CDYL2: variants seen among roughly 807,000 people sequenced by gnomAD.
The protein encoded by CDYL2 is chromodomain Y like 2.
Under a neutral mutation model 49.4 loss-of-function variants are expected in CDYL2, and 23 were observed. The ratio of observed to expected loss-of-function variants is 0.47; its 90% CI spans 0.34 to 0.66. The LOEUF (loss-of-function observed/expected upper bound fraction) is 0.66. Ranked by LOEUF, CDYL2 falls within the 30% of genes least tolerant of loss-of-function variation. The pLI is 0.01. For missense variants in CDYL2, 678 were observed against 656.4 expected, an observed-to-expected ratio of 1.03 and a Z score of -0.36; for synonymous variants, 360 against 268.8, an observed-to-expected ratio of 1.34 and a Z score of -3.32.
chr16:80,727,203 G>A (rs1905191332), intron 1 of CDYL2, among the ~76,000 whole-genome samples: 1 of 152,222 alleles, frequency 6.6e-6, no homozygotes, highest in African/African-American at 2.4e-5. Context: ...ATCTCACTAG[G>A]GAGTGCCAGA....
intron 1 of CDYL2, among the ~76,000 whole-genome samples, chr16:80,776,146 A>C (rs985765610): frequency 6.6e-6 from 1 of 152,158 alleles, no homozygotes; most frequent in African/African-American, 2.4e-5. Context: ...CTGAAAGTAC[A>C]TTTTACTTAG....
intron 1 of CDYL2, among the ~76,000 whole-genome samples, chr16:80,718,826 AAAGAGGTACTGAC>A (rs1219010496): frequency 1.3e-5 from 2 of 152,170 alleles, no homozygotes; most frequent in African/African-American, 4.8e-5. Context: ...CCAGTCCCTA[AAAGAGGTACTGAC>A]AAGAGCAGGG....
chr16:80,693,728 T>G (rs931474662), intron 1 of CDYL2, among the ~76,000 whole-genome samples: 1 of 152,180 alleles, frequency 6.6e-6, no homozygotes, highest in Non-Finnish European at 1.5e-5. Context: ...GTGATTAAAC[T>G]GTTCTGCGTG....
intron 1 of CDYL2, among the ~76,000 whole-genome samples, chr16:80,771,102 C>A (rs528086006): frequency 1.3e-5 from 2 of 152,346 alleles, no homozygotes; most frequent in South Asian, 4.1e-4. Context: ...AGAAAAGAAT[C>A]TCCATCTTTG....
chr16:80,629,746 C>A (rs1428631148), intron 3 of CDYL2, among the ~76,000 whole-genome samples: 1 of 152,240 alleles, frequency 6.6e-6, no homozygotes, highest in East Asian at 1.9e-4. Flanking sequence ...ACCAATGTTA[C>A]ACATACAACT....
intron 2 of CDYL2, among the ~76,000 whole-genome samples, chr16:80,655,295 C>T (rs937417211): frequency 1.4e-4 from 22 of 152,320 alleles, no homozygotes; most frequent in African/African-American, 4.8e-4. Context: ...TCATTTTATT[C>T]ATTCATTCAT....
intron 1 of CDYL2, among the ~76,000 whole-genome samples, chr16:80,724,159 A>AGAG (rs944121565): frequency 6.7e-6 from 1 of 150,320 alleles, no homozygotes. Context: ...AGAAAGAAGA[A>AGAG]GAGGAGGAGG....
chr16:80,664,311 G>A (rs143827105), intron 2 of CDYL2, among the ~76,000 whole-genome samples: 16 of 152,092 alleles, frequency 1.1e-4, no homozygotes, highest in Admixed American at 4.6e-4. Context: ...TGTCATTTCC[G>A]TCCACCTTCA....
intron 1 of CDYL2, among the ~76,000 whole-genome samples, chr16:80,733,211 G>A (rs574194178): frequency 1.3e-5 from 2 of 152,288 alleles, no homozygotes; most frequent in South Asian, 4.1e-4. Flanking sequence ...CACAAAATCA[G>A]TGGTCAAAAA....
chr16:80,670,270 G>T, intron 2 of CDYL2, among the ~76,000 whole-genome samples: 1 of 142,444 alleles, frequency 7.0e-6, no homozygotes, highest in East Asian at 2.0e-4. Flanking sequence ...GAGGGACCCA[G>T]TGGGAGTTGA....
At chr16:80,785,045 G>T (rs373809147) in intron 1 of CDYL2, among the ~76,000 whole-genome samples, 1 of 152,182 alleles carries the variant, frequency 6.6e-6, no homozygotes, top group African/African-American at 2.4e-5. Context: ...AGCCTGGAAA[G>T]GTAGGCAAGG....
chr16:80,717,869 C>G (rs1484629679), intron 1 of CDYL2, among the ~76,000 whole-genome samples: 1 of 152,196 alleles, frequency 6.6e-6, no homozygotes, highest in Non-Finnish European at 1.5e-5. Context: ...GTTCCTAGAA[C>G]AGTTATCCCA....
chr16:80,713,287 G>A (rs909212150), intron 1 of CDYL2, among the ~76,000 whole-genome samples: 9 of 152,230 alleles, frequency 5.9e-5, no homozygotes, highest in Admixed American at 5.2e-4. Context: ...CAAGCTGTGA[G>A]AGGCTCTGAG....
chr16:80,696,846 G>T (rs1910631828), intron 1 of CDYL2, among the ~76,000 whole-genome samples: 1 of 152,046 alleles, frequency 6.6e-6, no homozygotes, highest in Non-Finnish European at 1.5e-5. Context: ...ATCTGAAGAG[G>T]AGGGCCCAGG....
At chr16:80,730,309 G>T (rs1905284552) in intron 1 of CDYL2, among the ~76,000 whole-genome samples, 1 of 152,072 alleles carries the variant, frequency 6.6e-6, no homozygotes, top group Non-Finnish European at 1.5e-5. Context: ...TGCCATTAGA[G>T]AATGCTACAA....
chr16:80,644,125 C>G (rs1363317076), intron 2 of CDYL2, among the ~76,000 whole-genome samples: 1 of 152,214 alleles, frequency 6.6e-6, no homozygotes, highest in Non-Finnish European at 1.5e-5. Flanking sequence ...TCACGAGACA[C>G]ACTAAATCAT....
At chr16:80,702,994 A>C (rs1904311129) in intron 1 of CDYL2, among the ~76,000 whole-genome samples, 1 of 152,196 alleles carries the variant, frequency 6.6e-6, no homozygotes, top group Admixed American at 6.5e-5. Flanking sequence ...TTGACATAAA[A>C]GTTTATTAGA....
chr16:80,626,648 G>A (rs974440067), intron 3 of CDYL2, among the ~76,000 whole-genome samples: 2 of 152,220 alleles, frequency 1.3e-5, no homozygotes, highest in African/African-American at 4.8e-5. Context: ...AACAAGGCAT[G>A]GCGTGTGCCT....
chr16:80,794,772 C>A (rs1907719655), intron 1 of CDYL2, among the ~76,000 whole-genome samples: 1 of 151,820 alleles, frequency 6.6e-6, no homozygotes, highest in African/African-American at 2.4e-5. Context: ...CCACCACACA[C>A]CCGGCTAATT....
Sources: allele counts gnomAD v4.1 joint callset (sites outside exome capture counted in the v4.1 genomes callset), GRCh38; gene constraint gnomAD v4.1.1; transcripts MANE v1.5; gene names NCBI Gene and HGNC (gene_info 2026-07-23, HGNC 2026-07-21).